Variants in CNOT3 observed in about 807,000 individuals in gnomAD.
CNOT3 encodes the protein CCR4-associated factor 3.
Under a neutral mutation model 89.4 loss-of-function variants are expected in CNOT3, and 2 were observed. The observed-to-expected ratio is 0.02, with a 90% CI of 0.01 to 0.07. The LOEUF is 0.07. Among genes scored for constraint, CNOT3 ranks in the 10% least tolerant of loss-of-function variants. The pLI is 1.00. For synonymous variants in CNOT3, 486 were observed against 402.0 expected, an observed-to-expected ratio of 1.21 and a Z score of -2.50; for missense variants, 664 against 1,010.2, an observed-to-expected ratio of 0.66 and a Z score of 4.65.
At chr19:54,143,812 G>A in intron 5 of CNOT3, 63 bp downstream of exon 5, 1 of 1,562,224 alleles carries the variant, frequency 6.4e-7, no homozygotes, top group Non-Finnish European at 8.8e-7. Flanking sequence ...GAGATCCCAA[G>A]GGGCGGAGGC....
intron 1 of CNOT3, among the ~76,000 whole-genome samples, chr19:54,141,058 G>GT (rs1174009082): frequency 6.6e-6 from 1 of 152,166 alleles, no homozygotes; most frequent in Non-Finnish European, 1.5e-5. Context: ...CCCCTATGCA[G>GT]TAAGAGGCTT....
chr19:54,146,636 C>T lies in CNOT3; in HGVS notation c.873C>T (p.Ser291=). 1 of 1,570,724 alleles carries T rather than the reference C, an allele frequency of 6.4e-7. No individual in the cohort carries two copies. The highest frequency in any genetic ancestry group is 8.8e-7 in the Non-Finnish European group (1 of 1,140,556). Reference sequence around the variant, plus strand: ...AAGATGATAAGAAGAGGGGACGTTCCACAGACAGTGAAGTCAGCCAGGTGG... The same window carrying T: ...AAGATGATAAGAAGAGGGGACGTTCTACAGACAGTGAAGTCAGCCAGGTGG... The part of the protein sequence containing the change: ...NSEDDKKRGR[S]TDSEVSQSPA... The change falls in exon 10 of 18, where the codon TCC becomes TCT. Residue 291 remains serine (S), a synonymous_variant. Coordinates refer to ENST00000221232, the MANE Select transcript of CNOT3 (RefSeq NM_014516.4).
chr19:54,154,012 C>T (rs2075287121), intron 17 of CNOT3, 172 bp downstream of exon 17: 1 of 827,678 alleles, frequency 1.2e-6, no homozygotes, highest in Non-Finnish European at 2.1e-6. Flanking sequence ...GAACACCGCC[C>T]TCTCATCCTC....
At chr19:54,147,961 A>G (rs2074774635) in intron 10 of CNOT3, among the ~76,000 whole-genome samples, 187 bp from the exon 11 acceptor site, 1 of 152,044 alleles carries the variant, frequency 6.6e-6, no homozygotes, top group East Asian at 1.9e-4. Flanking sequence ...TGAGTGTTTT[A>G]AGCATGAAGG....
intron 17 of CNOT3, 115 bp downstream of exon 17, chr19:54,153,955 C>A: frequency 7.3e-7 from 1 of 1,365,200 alleles, no homozygotes; most frequent in Non-Finnish European, 1.0e-6. Context: ...TGGCGCAGTC[C>A]CTCAGCCTGA....
In CNOT3 at chr19:54,149,563, G is replaced by A; in HGVS notation, c.1410G>A (p.Lys470=). The A allele has an allele frequency of 1.3e-6, 2 of 1,580,238 alleles. No individual in the cohort carries two copies. Among genetic ancestry groups the A allele is most frequent in the Non-Finnish European group, 1.7e-6 (2 of 1,161,806 alleles). Reference sequence around the variant, plus strand: ...CTCTTCCATGCTCTCTCTCCAGGAAGGAACCCAGTGCGGCAGCCCCAACGG... The same window carrying A: ...CTCTTCCATGCTCTCTCTCCAGGAAAGAACCCAGTGCGGCAGCCCCAACGG... The part of the protein sequence containing the change: ...GPHNPPPSTS[K]EPSAAAPTGA... Residue 470 remains lysine (K), a synonymous_variant, in exon 13 of 18, where the codon AAG becomes AAA. Coordinates refer to ENST00000221232, the MANE Select transcript of CNOT3 (RefSeq NM_014516.4).
At position 54,148,509 on chromosome 19, in the gene CNOT3, G is replaced by C; in HGVS notation, c.1256G>C (p.Gly419Ala). 1 of 1,559,148 alleles carries C rather than the reference G, an allele frequency of 6.4e-7. No homozygotes were observed. Among genetic ancestry groups the C allele is most frequent in the Non-Finnish European group, 8.7e-7 (1 of 1,149,098 alleles). The change falls in exon 11 of 18, where the codon GGG (glycine) becomes GCG (alanine). Residue 419 changes from glycine to alanine, a missense_variant. By Grantham distance (60) the Gly-to-Ala change is moderately conservative. Transcript: ENST00000221232. This position sits in a 1 kb window ranked among gnomAD's most constrained non-coding sequence, Gnocchi z 6.3. The stretch of plus-strand genomic sequence containing the variant: ...AGTAGTAACAGCAGTGCCGGTGGAG[G>C]GGCTGGCAAGCAGAATGGCGCCACC... Reference protein sequence around the residue: ...SSSSNSSAGGGAGKQNGATSY... With the variant: ...SSSSNSSAGGAAGKQNGATSY...
rs778337813 is a variant in CNOT3, at chr19:54,153,291, G to C, written c.2037+292G>C. The C allele has an allele frequency of 7.9e-6, 6 of 761,870 alleles. No individual in the cohort carries two copies. The African/African-American group carries it at 1.0e-4, about 13-fold the overall frequency. The allele number at this position is 761,870 out of a possible 1,614,324, so 47.2% of individuals were successfully genotyped here. The stretch of plus-strand genomic sequence containing the variant: ...TCACCCGCGGCCCCTCCCCAGCCCT[G>C]CTCCAGCAGCCCCAGTCTAGGCCGA... On this transcript the variant is annotated intron_variant, in intron 16 of 17. Transcript: ENST00000221232.
rs766999230 is a variant in CNOT3, at chr19:54,152,570, C to T, written c.1848C>T (p.Ala616=). ...CCAAGGAGCAGCTCTATCAGCAGGC[C>T]ATGGAAGAGGCCGCCTGGCACCACA... The part of the protein sequence containing the change: ...PLTKEQLYQQ[A]MEEAAWHHMP... Residue 616 remains alanine (A), a synonymous_variant, in exon 15 of 18, where the codon GCC becomes GCT. Coordinates refer to ENST00000221232, the MANE Select transcript of CNOT3 (RefSeq NM_014516.4). 1.9e-6 allele frequency: 3 copies of T among 1,614,118 alleles called. No individual in the cohort carries two copies. Among genetic ancestry groups the T allele is most frequent in the Admixed American group, 3.3e-5 (2 of 60,026 alleles).
chr19:54,143,413 C>A, intron 3 of CNOT3, 29 bp from the exon 4 acceptor site: 2 of 1,611,200 alleles, frequency 1.2e-6, no homozygotes, highest in Non-Finnish European at 1.7e-6. Context: ...CCCTCCCACA[C>A]TGACTTCTCA....
chr19:54,152,399 A>AG, intron 14 of CNOT3, 29 bp from the exon 15 acceptor site: 2 of 1,613,712 alleles, frequency 1.2e-6, no homozygotes, highest in Non-Finnish European at 1.7e-6. Context: ...CTCACCACTG[A>AG]GGGGGCCGGA....
In CNOT3 at chr19:54,145,938, C is replaced by A. The variant is rs762116071; in HGVS notation, c.732C>A (p.Pro244=). Residue 244 remains proline (P), a synonymous_variant, in exon 9 of 18, where the codon CCC becomes CCA. Transcript: ENST00000221232. The surrounding 1 kb of genome is among the most constrained non-coding windows in gnomAD (Gnocchi z 5.9). The part of the protein sequence containing the change: ...IPQALVATSP[P]SHSHMEDEIF... ...AGGCGCTGGTCGCCACCTCCCCCCC[C>A]AGCCACAGCCACATGGAGGATGAGA... The A allele has an allele frequency of 1.4e-5, 22 of 1,613,820 alleles. No homozygotes were observed. The highest frequency in any genetic ancestry group is 1.0e-4 in the Admixed American group (6 of 59,998).
intron 14 of CNOT3, 43 bp downstream of exon 14, chr19:54,152,368 A>G: frequency 6.2e-7 from 1 of 1,614,004 alleles, no homozygotes; most frequent in Non-Finnish European, 8.5e-7. Flanking sequence ...GCCAAAGAGG[A>G]GGGGCTGCCC....
intron 17 of CNOT3, chr19:54,154,183 G>A: frequency 2.1e-6 from 1 of 484,698 alleles, no homozygotes; most frequent in South Asian, 1.8e-5. Context: ...GCACCAGGCT[G>A]TGGGCTCTGC....
At chr19:54,154,186 G>A (rs1188126051) in intron 17 of CNOT3, 1 of 477,056 alleles carries the variant, frequency 2.1e-6, no homozygotes, top group South Asian at 1.8e-5. Flanking sequence ...CCAGGCTGTG[G>A]GCTCTGCTGC....
In CNOT3 at chr19:54,148,438, T is replaced by C; in HGVS notation, c.1185T>C (p.Pro395=). 6.4e-7 allele frequency: 1 copy of C among 1,569,328 alleles called. No individual in the cohort carries two copies. The part of the protein sequence containing the change: ...TTQPRPPSVQ[P]SGGGGGGSGG... ...AGCCCCGGCCCCCCAGCGTCCAGCC[T>C]AGCGGAGGCGGAGGCGGCGGCAGCG... is the stretch of plus-strand genomic sequence containing the variant. The change falls in exon 11 of 18, where the codon CCT becomes CCC. Residue 395 remains proline, a synonymous_variant. Coordinates refer to ENST00000221232, the MANE Select transcript of CNOT3 (RefSeq NM_014516.4). The surrounding 1 kb of genome is among the most constrained non-coding windows in gnomAD (Gnocchi z 6.3).
chr19:54,153,868 C>T, intron 17 of CNOT3, 28 bp downstream of exon 17: 1 of 1,614,020 alleles, frequency 6.2e-7, no homozygotes, highest in Non-Finnish European at 8.5e-7. Flanking sequence ...TCTCTTCCCG[C>T]TGCTAGGGTT....
At position 54,148,426 on chromosome 19, in the gene CNOT3, C is replaced by A. The variant is rs774477113; in HGVS notation, c.1173C>A (p.Pro391=). 3 of 1,564,358 alleles carry A rather than the reference C, an allele frequency of 1.9e-6. No homozygotes were observed. Among genetic ancestry groups the A allele is most frequent in the African/African-American group, 2.7e-5 (2 of 73,784 alleles). ...CCAGCACGACCCAGCCCCGGCCCCC[C>A]AGCGTCCAGCCTAGCGGAGGCGGAG... ...SGPSTTQPRP[P]SVQPSGGGGG... is the part of the protein sequence containing the mutation. The change falls in exon 11 of 18, where the codon CCC becomes CCA. Residue 391 remains proline, a synonymous_variant. Coordinates refer to ENST00000221232, the MANE Select transcript of CNOT3 (RefSeq NM_014516.4). This position sits in a 1 kb window ranked among gnomAD's most constrained non-coding sequence, Gnocchi z 6.3.
chr19:54,140,221 C>A (rs1355404555), intron 1 of CNOT3, among the ~76,000 whole-genome samples: 4 of 152,154 alleles, frequency 2.6e-5, no homozygotes, highest in Non-Finnish European at 4.4e-5. Context: ...CGTGTTGGCT[C>A]CTGTGAGGCT....
Sources: gnomAD v4.1 joint callset for allele counts (sites outside exome capture counted in the v4.1 genomes callset) on GRCh38, gnomAD v4.1.1 for gene constraint, Gnocchi (gnomAD v3.1) non-coding constraint, MANE v1.5 for transcripts, NCBI Gene and HGNC (gene_info 2026-07-23, HGNC 2026-07-21) for gene names.